TTLL5: variants seen among roughly 807,000 people sequenced by gnomAD.
TTLL5 encodes tubulin tyrosine ligase like 5.
Under a neutral mutation model 168.4 loss-of-function variants are expected in TTLL5, and 132 were observed. The ratio of observed to expected loss-of-function variants is 0.78; its 90% CI spans 0.68 to 0.91. The LOEUF is 0.91. Among genes scored for constraint, TTLL5 ranks in the 40% least tolerant of loss-of-function variants. TTLL5 has a pLI of 0.00. For missense variants in TTLL5, 1,545 were observed against 1,581.5 expected, an observed-to-expected ratio of 0.98 and a Z score of 0.39; for synonymous variants, 546 against 558.6, an observed-to-expected ratio of 0.98 and a Z score of 0.32.
chr14:75,901,894 T>G (rs1411673067), intron 30 of TTLL5, among the ~76,000 whole-genome samples: 1 of 152,238 alleles, frequency 6.6e-6, no homozygotes, highest in Non-Finnish European at 1.5e-5. Context: ...AGGCCCATGC[T>G]TTCTTGATAC....
intron 18 of TTLL5, among the ~76,000 whole-genome samples, chr14:75,759,836 A>G (rs1594984720): frequency 6.6e-6 from 1 of 152,134 alleles, no homozygotes; most frequent in Non-Finnish European, 1.5e-5. Context: ...TTTATGAGAA[A>G]AACTCAGCAA....
At chr14:75,847,792 C>G (rs1286704499) in intron 28 of TTLL5, 1 of 152,012 alleles carries the variant, frequency 6.6e-6, no homozygotes, top group Admixed American at 6.5e-5. Context: ...ACCTGACAGG[C>G]TTGTTAACAC....
At chr14:75,709,351 G>A (rs1460399493) in intron 9 of TTLL5, 2 of 613,434 alleles carry the variant, frequency 3.3e-6, no homozygotes, top group Non-Finnish European at 5.9e-6. Context: ...AAATCAGTGA[G>A]AGCAGACTAA....
chr14:75,734,023 A>G lies in TTLL5; in HGVS notation c.1159A>G (p.Met387Val), dbSNP rs201783571. The G allele has an allele frequency of 2.2e-4, 350 of 1,614,062 alleles. No homozygotes were observed. The highest frequency in any genetic ancestry group is 3.2e-4 in the Admixed American group (19 of 60,012). The change falls in exon 14 of 32, where the codon ATG becomes GTG. Residue 387 changes from methionine to valine, a missense_variant. Coordinates refer to ENST00000298832, the MANE Select transcript of TTLL5 (RefSeq NM_015072.5). ...APLDLKIKASMISDMFTVVGF... is the reference protein window; with the variant it reads ...APLDLKIKASVISDMFTVVGF... ...TCTGGACCTAAAGATTAAAGCCAGT[A>G]TGATTTCAGATATGTTCACTGTTGT...
chr14:75,822,026 A>G (rs1362317284), intron 28 of TTLL5, among the ~76,000 whole-genome samples: 1 of 152,192 alleles, frequency 6.6e-6, no homozygotes, highest in Non-Finnish European at 1.5e-5. Flanking sequence ...TGAGAGTCCC[A>G]GTTCCACATG....
intron 6 of TTLL5, among the ~76,000 whole-genome samples, chr14:75,693,773 A>G (rs965101878): frequency 1.3e-5 from 2 of 152,246 alleles, no homozygotes; most frequent in African/African-American, 4.8e-5. Context: ...CTCTATGGCC[A>G]TCTCTAGTTG....
chr14:75,695,166 A>T (rs947983349), intron 6 of TTLL5, among the ~76,000 whole-genome samples: 8 of 152,234 alleles, frequency 5.3e-5, no homozygotes, highest in African/African-American at 1.9e-4. Flanking sequence ...AAGAGAATGC[A>T]TTCCTAGGGG....
rs1042191206 is a variant in TTLL5, at chr14:75,900,780, A to G, written c.3741-1362A>G. Reference sequence around the variant, plus strand: ...CTAACTTCATGACTCCCTTGAAATTATTTCCACAGAAAGACCATCCTTGAC... The same window carrying G: ...CTAACTTCATGACTCCCTTGAAATTGTTTCCACAGAAAGACCATCCTTGAC... On this transcript the variant is annotated intron_variant, in intron 30 of 31. Coordinates refer to ENST00000298832, the MANE Select transcript of TTLL5 (RefSeq NM_015072.5). Among the ~76,000 whole-genome samples the G allele has an allele frequency of 2.0e-5, 3 of 152,166 alleles. No homozygotes were observed. In the South Asian group the frequency reaches 6.2e-4, roughly 32 times the overall value.
chr14:75,783,500 A>G lies in TTLL5; in HGVS notation c.2956A>G (p.Lys986Glu). Residue 986 changes from lysine (K) to glutamate (E), a missense_variant, in exon 26 of 32, where the codon AAA (lysine) becomes GAA (glutamate). Physicochemically the swap from Lys to Glu is moderately conservative, Grantham distance 56. Coordinates refer to ENST00000298832, the MANE Select transcript of TTLL5 (RefSeq NM_015072.5). The part of the protein sequence containing the change: ...FQSAAHIYSQ[K>E]LSRPSSAKAG... ...AAGTGCTGCACACATCTATAGCCAGAAACTGTCTCGTCCCTCTTCAGCAAA... is the reference window on the plus strand; with the variant it reads ...AAGTGCTGCACACATCTATAGCCAGGAACTGTCTCGTCCCTCTTCAGCAAA... 1 of 1,614,100 alleles carries G rather than the reference A, an allele frequency of 6.2e-7. No individual in the cohort carries two copies. Among genetic ancestry groups the G allele is most frequent in the East Asian group, 2.2e-5 (1 of 44,890 alleles).
intron 31 of TTLL5, among the ~76,000 whole-genome samples, chr14:75,936,938 T>C (rs923319991): frequency 6.6e-6 from 1 of 152,220 alleles, no homozygotes; most frequent in East Asian, 1.9e-4. Flanking sequence ...TAGCTTCTTA[T>C]ACAAATGCAG....
chr14:75,855,098 T>A (rs1897061715), intron 28 of TTLL5, among the ~76,000 whole-genome samples: 1 of 149,580 alleles, frequency 6.7e-6, no homozygotes, highest in African/African-American at 2.5e-5. Context: ...GATTCTTTGA[T>A]TTTTCCCTAA....
intron 31 of TTLL5, among the ~76,000 whole-genome samples, chr14:75,913,544 A>T (rs979719952): frequency 6.6e-6 from 1 of 152,206 alleles, no homozygotes; most frequent in African/African-American, 2.4e-5. Flanking sequence ...AGCCTGTAGT[A>T]GGGGCTTAAG....
intron 3 of TTLL5, among the ~76,000 whole-genome samples, chr14:75,671,299 G>A (rs556756868): frequency 4.3e-4 from 66 of 152,178 alleles, no homozygotes; most frequent in African/African-American, 1.5e-3. Context: ...CTTGATTACC[G>A]TACCTTTGTA....
chr14:75,811,236 T>A lies in TTLL5; in HGVS notation c.3172-8771T>A, dbSNP rs530274868. 7.3e-5 allele frequency among the ~76,000 whole-genome samples: 11 copies of A among 151,316 alleles called. No homozygotes were observed. The East Asian group carries it at 1.9e-3, about 27-fold the overall frequency. On this transcript the variant is annotated intron_variant, in intron 27 of 31. Coordinates refer to ENST00000298832, the MANE Select transcript of TTLL5 (RefSeq NM_015072.5). ...GTAGAAGGGTCTGCAACCAAGGTTCTCATATAGCATGGTTCTGTCAGAACC... is the reference window on the plus strand; with the variant it reads ...GTAGAAGGGTCTGCAACCAAGGTTCACATATAGCATGGTTCTGTCAGAACC...
At chr14:75,757,794 G>T in intron 18 of TTLL5, 1 of 1,570,616 alleles carries the variant, frequency 6.4e-7, no homozygotes, top group Non-Finnish European at 8.6e-7. Context: ...TACCTGAATA[G>T]CATTCTCTAA....
intron 28 of TTLL5, among the ~76,000 whole-genome samples, chr14:75,833,433 A>G (rs2139815822): frequency 6.6e-6 from 1 of 152,284 alleles, no homozygotes; most frequent in South Asian, 2.1e-4. Context: ...AATATCGAAG[A>G]TCTTCCATGT....
At chr14:75,920,577 C>T (rs1038445447) in intron 31 of TTLL5, among the ~76,000 whole-genome samples, 5 of 152,206 alleles carry the variant, frequency 3.3e-5, no homozygotes, top group Admixed American at 3.3e-4. Flanking sequence ...AGGACATGAA[C>T]TCATCCTTTT....
intron 13 of TTLL5, 132 bp downstream of exon 13, chr14:75,732,551 T>G: frequency 1.4e-6 from 1 of 714,886 alleles, no homozygotes. Context: ...ATAACCAGAC[T>G]TTCTTAAATC....
At chr14:75,817,220 C>T (rs1008932844) in intron 27 of TTLL5, among the ~76,000 whole-genome samples, 1 of 152,020 alleles carries the variant, frequency 6.6e-6, no homozygotes, top group African/African-American at 2.4e-5. Flanking sequence ...CCTCATGATC[C>T]ACCCGCCTTG....
Sources: gnomAD v4.1 joint callset for allele counts (sites outside exome capture counted in the v4.1 genomes callset) on GRCh38, gnomAD v4.1.1 for gene constraint, MANE v1.5 for transcripts, NCBI Gene and HGNC (gene_info 2026-07-23, HGNC 2026-07-21) for gene names.